WIPI1: variants seen among roughly 807,000 people sequenced by gnomAD.
WIPI1 encodes WD repeat domain phosphoinositide-interacting protein 1.
A neutral mutation model predicts 55.3 loss-of-function variants in WIPI1; 45 were observed. The ratio of observed to expected loss-of-function variants is 0.81; its 90% CI spans 0.64 to 1.04. WIPI1 has a LOEUF of 1.04. Among genes scored for constraint, WIPI1 ranks in the 50% least tolerant of loss-of-function variants. WIPI1 has a pLI of 0.00. For missense variants in WIPI1, 445 were observed against 559.0 expected, an observed-to-expected ratio of 0.80 and a Z score of 2.06; for synonymous variants, 195 against 217.6, an observed-to-expected ratio of 0.90 and a Z score of 0.92.
chr17:68,436,260 C>T, intron 5 of WIPI1, 122 bp downstream of exon 5: 1 of 836,274 alleles, frequency 1.2e-6, no homozygotes, highest in Non-Finnish European at 2.0e-6. Context: ...TTGAACAACT[C>T]CCCAGTATTG....
intron 10 of WIPI1, chr17:68,428,586 A>G: frequency 4.6e-6 from 2 of 431,866 alleles, no homozygotes; most frequent in East Asian, 9.4e-5. Flanking sequence ...TTAGGAGCAT[A>G]GGCTGAGGGG....
At chr17:68,449,160 G>A (rs75817025) in intron 3 of WIPI1, among the ~76,000 whole-genome samples, 3,134 of 152,302 alleles carry the variant, frequency 0.021, 107 homozygotes, top group African/African-American at 0.07. Flanking sequence ...TGCAGCAACC[G>A]CTCTGGGAAT....
chr17:68,437,279 G>C (rs913463542), intron 4 of WIPI1, among the ~76,000 whole-genome samples: 2 of 152,140 alleles, frequency 1.3e-5, no homozygotes, highest in Non-Finnish European at 2.9e-5. Flanking sequence ...TTCAGGCCAG[G>C]CAAGGTGGCC....
At chr17:68,432,624 C>G (rs980833324) in intron 8 of WIPI1, among the ~76,000 whole-genome samples, 1 of 151,998 alleles carries the variant, frequency 6.6e-6, no homozygotes, top group Non-Finnish European at 1.5e-5. Context: ...GCCTCTGTTA[C>G]GTATGTGTTA....
chr17:68,426,240 G>GGT (rs1398241435), intron 11 of WIPI1, 65 bp from the exon 12 acceptor site: 16 of 1,131,354 alleles, frequency 1.4e-5, no homozygotes, highest in Non-Finnish European at 1.9e-5. Context: ...TGACCTGGCG[G>GGT]GTGGGGAGCG....
chr17:68,435,855 T>C lies in WIPI1; in HGVS notation c.529-143A>G. The C allele has an allele frequency of 4.1e-6, 3 of 725,362 alleles. No homozygotes were observed. The South Asian group carries it at 5.2e-5, about 13-fold the overall frequency. The allele number at this position is 725,362 out of a possible 1,614,324, so 44.9% of individuals were successfully genotyped here. A position where few individuals can be genotyped will look rare whatever the true frequency, so the allele number is the denominator to read the frequency against. On this transcript the variant is annotated intron_variant, in intron 5 of 12. Coordinates refer to ENST00000262139, the MANE Select transcript of WIPI1 (RefSeq NM_017983.7). ...CTCTGTCCCCCAGGCCATCTGCATG[T>C]AAGCTGTGTGTCATTTTCTGGTGAA...
Position 68,436,949 on chromosome 17 carries a change from G to A in WIPI1, c.431-470C>T, listed in dbSNP as rs372413174. On this transcript the variant is annotated intron_variant, in intron 4 of 12. Coordinates refer to ENST00000262139, the MANE Select transcript of WIPI1 (RefSeq NM_017983.7). ...GCAAAGGTTGCAGTGAGTGGAGATCGTGCCACTGCACTCCAGCCTGGGCTA... is the reference window on the plus strand; with the variant it reads ...GCAAAGGTTGCAGTGAGTGGAGATCATGCCACTGCACTCCAGCCTGGGCTA... Among the ~76,000 whole-genome samples, 10 of 151,404 alleles carry A rather than the reference G, an allele frequency of 6.6e-5. No individual in the cohort carries two copies. The East Asian group carries it at 1.2e-3, about 18-fold the overall frequency.
In WIPI1 at chr17:68,423,342, G is replaced by C; in HGVS notation, c.1294-1522C>G. Among the ~76,000 whole-genome samples, 1 of 152,144 alleles carries C rather than the reference G, an allele frequency of 6.6e-6. No individual in the cohort carries two copies. The highest frequency in any genetic ancestry group is 1.9e-4 in the East Asian group (1 of 5,190). The stretch of plus-strand genomic sequence containing the variant: ...GCATCCCAGGAGCATGCATGCCTCT[G>C]GTCCTTACATGGTGAGATGGAGAAG... On this transcript the variant is annotated intron_variant, in intron 12 of 12. Transcript: ENST00000262139. This position sits in a 1 kb window ranked among gnomAD's most constrained non-coding sequence, Gnocchi z 4.4.
rs527371219 is a variant in WIPI1, at chr17:68,449,725, G to A, written c.333+1003C>T. Among the ~76,000 whole-genome samples the A allele has an allele frequency of 4.7e-4, 71 of 152,286 alleles. 1 individual carries two copies. The highest frequency in any genetic ancestry group is 1.7e-3 in the African/African-American group (70 of 41,554). On this transcript the variant is annotated intron_variant, in intron 3 of 12. Coordinates refer to ENST00000262139, the MANE Select transcript of WIPI1 (RefSeq NM_017983.7). ...GCCCTCCCCAGAAGCAGATGCTGCC[G>A]TGCTTCCTGTACAGCCTGCAGAACC...
In WIPI1 at chr17:68,430,108, C is replaced by A; in HGVS notation, c.853G>T (p.Ala285Ser). ...TGGGTAGGGAGGTAGTTGGTAGCAG[C>A]CATAAACATCTTTCCCATGTAGCCA... ...WSGYMGKMFM[A>S]ATNYLPTQVS... Residue 285 changes from alanine to serine, a missense_variant, in exon 9 of 13, where the codon GCT becomes TCT. Physicochemically the swap from Ala to Ser is moderately conservative, Grantham distance 99. Transcript: ENST00000262139. 6.2e-7 allele frequency: 1 copy of A among 1,614,112 alleles called. No individual in the cohort carries two copies. The highest frequency in any genetic ancestry group is 8.5e-7 in the Non-Finnish European group (1 of 1,180,028).
At chr17:68,435,783 T>C in intron 5 of WIPI1, 71 bp from the exon 6 acceptor site, 2 of 1,352,176 alleles carry the variant, frequency 1.5e-6, no homozygotes, top group Non-Finnish European at 2.1e-6. Flanking sequence ...TCCCTCCCCT[T>C]CCTCTTTTCT....
intron 6 of WIPI1, among the ~76,000 whole-genome samples, 160 bp downstream of exon 6, chr17:68,435,458 CCA>C (rs1227460076): frequency 1.3e-5 from 2 of 152,138 alleles, no homozygotes; most frequent in African/African-American, 4.8e-5. Context: ...CATGAATATA[CCA>C]CACATGCAGA....
At chr17:68,424,821 G>A (rs1020552486) in intron 12 of WIPI1, among the ~76,000 whole-genome samples, 4 of 150,498 alleles carry the variant, frequency 2.7e-5, no homozygotes, top group African/African-American at 9.8e-5. Context: ...AGGCTGCAGC[G>A]AGCCGAGATC....
chr17:68,453,570 C>T (rs2084571146), intron 1 of WIPI1, among the ~76,000 whole-genome samples: 1 of 151,536 alleles, frequency 6.6e-6, no homozygotes, highest in Admixed American at 6.6e-5. Context: ...CCTCCGCCTC[C>T]TGGGTTCAAG....
chr17:68,443,192 C>G (rs1464992647), intron 4 of WIPI1, among the ~76,000 whole-genome samples: 2 of 152,118 alleles, frequency 1.3e-5, no homozygotes, highest in African/African-American at 2.4e-5. Flanking sequence ...CTCACTGAAG[C>G]CTCCGCCTCC....
At chr17:68,432,749 C>A (rs2083585589) in intron 8 of WIPI1, among the ~76,000 whole-genome samples, 1 of 152,162 alleles carries the variant, frequency 6.6e-6, no homozygotes, top group South Asian at 2.1e-4. Context: ...CCTGATCCTG[C>A]CTTTCTCTGC....
At chr17:68,451,356 C>A (rs2084493903) in intron 2 of WIPI1, among the ~76,000 whole-genome samples, 1 of 152,172 alleles carries the variant, frequency 6.6e-6, no homozygotes, top group African/African-American at 2.4e-5. Context: ...ATCACCTGAA[C>A]CCAGGAGGAA....
At chr17:68,454,814 C>T (rs1475495204) in intron 1 of WIPI1, among the ~76,000 whole-genome samples, 1 of 152,130 alleles carries the variant, frequency 6.6e-6, no homozygotes, top group Non-Finnish European at 1.5e-5. Flanking sequence ...TGCAAAGTGA[C>T]AGCAATTTAA....
At chr17:68,427,745 C>T (rs1348432714) in intron 10 of WIPI1, among the ~76,000 whole-genome samples, 3 of 152,232 alleles carry the variant, frequency 2.0e-5, no homozygotes, top group African/African-American at 4.8e-5. Flanking sequence ...AAGATTAGTC[C>T]TCTGCTCTTC....
Sources: allele counts gnomAD v4.1 joint callset (sites outside exome capture counted in the v4.1 genomes callset), GRCh38; gene constraint gnomAD v4.1.1; non-coding constraint Gnocchi (gnomAD v3.1); transcripts MANE v1.5; gene names NCBI Gene and HGNC (gene_info 2026-07-23, HGNC 2026-07-21).